LOC400499: variants seen among roughly 807,000 people sequenced by gnomAD.
At chr16:11,487,911 C>T in the LOC400499 span, among the ~76,000 whole-genome samples, 2 of 152,086 alleles carry the variant, frequency 1.3e-5, no homozygotes, top group South Asian at 2.1e-4. Context: ...GCCAGGGGTT[C>T]GAGAGGAGCC....
At chr16:11,472,300 C>T in the LOC400499 span, 1 of 151,962 alleles carries the variant, frequency 6.6e-6, no homozygotes, top group African/African-American at 2.4e-5. Flanking sequence ...TCAAGTGATT[C>T]TCCTGCCTCA....
the LOC400499 span, chr16:11,393,453 T>G: frequency 2.4e-6 from 3 of 1,232,174 alleles, no homozygotes; most frequent in Non-Finnish European, 3.0e-6. Context: ...CAGCCTCACT[T>G]TCTCCTCTCT....
At chr16:11,476,612 C>T in the LOC400499 span, among the ~76,000 whole-genome samples, 2 of 151,980 alleles carry the variant, frequency 1.3e-5, no homozygotes, top group African/African-American at 2.4e-5. Flanking sequence ...CACATGCATG[C>T]TAATGTCACA....
At chr16:11,520,429 G>T in the LOC400499 span, among the ~76,000 whole-genome samples, 1 of 152,146 alleles carries the variant, frequency 6.6e-6, no homozygotes, top group African/African-American at 2.4e-5. Flanking sequence ...GGCCGAGGTG[G>T]GCAGATCACT....
chr16:11,527,086 G>C, the LOC400499 span, among the ~76,000 whole-genome samples: 1 of 152,248 alleles, frequency 6.6e-6, no homozygotes, highest in Non-Finnish European at 1.5e-5. Context: ...ACAGGACCAG[G>C]AACGCGCAGC....
At chr16:11,461,549 G>A in the LOC400499 span, among the ~76,000 whole-genome samples, 15 of 152,142 alleles carry the variant, frequency 9.9e-5, no homozygotes, top group Non-Finnish European at 1.2e-4. Flanking sequence ...AAACAAAATC[G>A]AACAGGACAG....
chr16:11,429,588 C>G, the LOC400499 span, among the ~76,000 whole-genome samples: 1 of 152,152 alleles, frequency 6.6e-6, no homozygotes, highest in Admixed American at 6.5e-5. Context: ...ATTCTCGTGC[C>G]TCAGCCTCCT....
chr16:11,422,215 A>C, the LOC400499 span, among the ~76,000 whole-genome samples: 3 of 152,210 alleles, frequency 2.0e-5, no homozygotes, highest in Non-Finnish European at 2.9e-5. Context: ...AGCCTGGCCA[A>C]CATGGTGAAA....
chr16:11,386,165 G>A, the LOC400499 span, among the ~76,000 whole-genome samples: 1 of 152,248 alleles, frequency 6.6e-6, no homozygotes, highest in Non-Finnish European at 1.5e-5. Flanking sequence ...GTGTCCTGCA[G>A]ACCTACCCTC....
At chr16:11,391,918 G>C in the LOC400499 span, 192,040 of 932,576 alleles carry the variant, frequency 0.21, 20,261 homozygotes, top group African/African-American at 0.27. Context: ...GAGAGCCCCA[G>C]ACCCTCCTGC....
chr16:11,373,988 C>A, the LOC400499 span, among the ~76,000 whole-genome samples: 2 of 152,160 alleles, frequency 1.3e-5, no homozygotes, highest in Non-Finnish European at 2.9e-5. Context: ...GTGGCCTTTT[C>A]TGCCATCTCT....
the LOC400499 span, among the ~76,000 whole-genome samples, chr16:11,501,219 C>T: frequency 2.6e-5 from 4 of 152,056 alleles, no homozygotes; most frequent in African/African-American, 9.7e-5. Context: ...AAACACAAGT[C>T]CGTACCCAGT....
At chr16:11,385,498 C>G in the LOC400499 span, 2 of 991,110 alleles carry the variant, frequency 2.0e-6, no homozygotes, top group East Asian at 6.5e-5. Flanking sequence ...GCTGGGTGCC[C>G]CGGATGCCTA....
At chr16:11,460,192 T>TA in the LOC400499 span, 2 of 773,034 alleles carry the variant, frequency 2.6e-6, no homozygotes, top group Non-Finnish European at 3.6e-6. Flanking sequence ...TATTTTTTTT[T>TA]AATTTATTAC....
chr16:11,376,196 A>G, the LOC400499 span, among the ~76,000 whole-genome samples: 1 of 152,206 alleles, frequency 6.6e-6, no homozygotes, highest in Non-Finnish European at 1.5e-5. Flanking sequence ...CTTCAATGCG[A>G]TCCAGTTTGT....
chr16:11,504,328 G>T, the LOC400499 span, among the ~76,000 whole-genome samples: 1 of 152,170 alleles, frequency 6.6e-6, no homozygotes, highest in East Asian at 1.9e-4. Context: ...GGCCGAGCCG[G>T]GTGGATCACT....
At chr16:11,455,477 G>A in the LOC400499 span, among the ~76,000 whole-genome samples, 2 of 152,126 alleles carry the variant, frequency 1.3e-5, no homozygotes, top group African/African-American at 2.4e-5. Flanking sequence ...GCTCACACCT[G>A]TAATACCAGC....
the LOC400499 span, among the ~76,000 whole-genome samples, chr16:11,444,823 T>A: frequency 6.6e-6 from 1 of 152,108 alleles, no homozygotes; most frequent in African/African-American, 2.4e-5. Context: ...GGTTCACACC[T>A]ATAATGTCAG....
At chr16:11,511,909 G>A in the LOC400499 span, among the ~76,000 whole-genome samples, 1 of 151,898 alleles carries the variant, frequency 6.6e-6, no homozygotes, top group African/African-American at 2.4e-5. Flanking sequence ...CAGCTGTACT[G>A]GGGAGGCTGA....
Sources: allele counts gnomAD v4.1 joint callset (sites outside exome capture counted in the v4.1 genomes callset), GRCh38; gene constraint gnomAD v4.1.1; transcripts MANE v1.5.